The following KCNJ3 variants were observed in gnomAD, a reference collection of about 807,000 sequenced individuals.
The protein encoded by KCNJ3 is potassium inwardly rectifying channel subfamily J member 3.
A neutral mutation model predicts 39.2 loss-of-function variants in KCNJ3; 4 were observed. The ratio of observed to expected loss-of-function variants is 0.10; its 90% CI spans 0.05 to 0.23. KCNJ3 has a LOEUF of 0.23. KCNJ3 is among the 10% of genes least tolerant of loss of function. The probability of loss-of-function intolerance (pLI) is 1.00; values close to 1 mark genes in which losing one functional copy is unlikely to be tolerated. For synonymous variants in KCNJ3, 230 were observed against 237.4 expected (o/e 0.97, Z 0.29); for missense variants, 276 against 634.9 (o/e 0.43, Z 6.08).
chr2:154,825,906 A>G (rs1193990063), intron 2 of KCNJ3, among the ~76,000 whole-genome samples: 2 of 150,558 alleles, frequency 1.3e-5, no homozygotes, highest in Admixed American at 6.6e-5. Flanking sequence ...ATTAATGTTA[A>G]CCTATTACAA....
intron 2 of KCNJ3, among the ~76,000 whole-genome samples, chr2:154,792,468 T>G (rs1438802195): frequency 2.0e-5 from 3 of 152,098 alleles, no homozygotes; most frequent in Non-Finnish European, 4.4e-5. Flanking sequence ...GTCCTGTGTC[T>G]GCTGTCAAAG....
chr2:154,833,449 C>T (rs949932059), intron 2 of KCNJ3, among the ~76,000 whole-genome samples: 4 of 152,094 alleles, frequency 2.6e-5, no homozygotes, highest in African/African-American at 9.7e-5. Flanking sequence ...CATGCATGTT[C>T]CCCCCAGCCC....
intron 2 of KCNJ3, among the ~76,000 whole-genome samples, chr2:154,711,465 T>C (rs1335112150): frequency 6.6e-6 from 1 of 152,144 alleles, no homozygotes; most frequent in Admixed American, 6.5e-5. Flanking sequence ...AAATGTTTTA[T>C]TAGATCTATC....
At chr2:154,778,661 T>G (rs1452908951) in intron 2 of KCNJ3, among the ~76,000 whole-genome samples, 1 of 152,164 alleles carries the variant, frequency 6.6e-6, no homozygotes, top group Non-Finnish European at 1.5e-5. Flanking sequence ...CTGAGATAAT[T>G]TTTATTTAAT....
Position 154,792,789 on chromosome 2 carries a change from C to T in KCNJ3, c.920-61938C>T, listed in dbSNP as rs1686657721. Among the ~76,000 whole-genome samples, 5 of 152,168 alleles carry T rather than the reference C, an allele frequency of 3.3e-5. 1 individual carries two copies. The South Asian group carries it at 1.0e-3, about 31-fold the overall frequency. ...GTTTTTAAAGAAATGACTATTCTAC[C>T]TAAAAATATTTGCTTAGTTTATCAT... On this transcript the variant is annotated intron_variant, in intron 2 of 2. Transcript: ENST00000295101.
chr2:154,747,549 A>G (rs1685768785), intron 2 of KCNJ3, among the ~76,000 whole-genome samples: 1 of 151,978 alleles, frequency 6.6e-6, no homozygotes, highest in African/African-American at 2.4e-5. Flanking sequence ...GGGGTGGGGA[A>G]TAGCCTTAAT....
At chr2:154,845,240 T>C (rs1192649292) in intron 2 of KCNJ3, among the ~76,000 whole-genome samples, 2 of 152,154 alleles carry the variant, frequency 1.3e-5, no homozygotes. Context: ...TGCCTCAGCC[T>C]CCCAAGTAGC....
chr2:154,751,036 T>C (rs1055223317), intron 2 of KCNJ3, among the ~76,000 whole-genome samples: 1 of 151,886 alleles, frequency 6.6e-6, no homozygotes, highest in African/African-American at 2.4e-5. Flanking sequence ...AGACTACAAA[T>C]CAGGTTCGGT....
At chr2:154,751,590 C>G (rs1685845786) in intron 2 of KCNJ3, among the ~76,000 whole-genome samples, 1 of 152,006 alleles carries the variant, frequency 6.6e-6, no homozygotes, top group African/African-American at 2.4e-5. Context: ...TTAAAGCAGT[C>G]TCTCATAATA....
chr2:154,708,580 T>A (rs540005752), intron 1 of KCNJ3, among the ~76,000 whole-genome samples: 1 of 152,270 alleles, frequency 6.6e-6, no homozygotes, highest in East Asian at 1.9e-4. Context: ...TGTATTTAAT[T>A]CCTAACTACC....
At chr2:154,725,289 A>AT (rs1293610818) in intron 2 of KCNJ3, among the ~76,000 whole-genome samples, 7 of 136,098 alleles carry the variant, frequency 5.1e-5, no homozygotes, top group African/African-American at 1.9e-4. Context: ...ACTACTTTCT[A>AT]TTTTTTATAT....
At chr2:154,798,186 CCG>C (rs1439708382) in intron 2 of KCNJ3, among the ~76,000 whole-genome samples, 15 of 129,978 alleles carry the variant, frequency 1.2e-4, no homozygotes, top group East Asian at 2.2e-4. Context: ...CATTCGAACA[CCG>C]CACACACACA....
intron 2 of KCNJ3, among the ~76,000 whole-genome samples, chr2:154,814,446 T>G (rs1687048834): frequency 1.3e-5 from 2 of 152,062 alleles, no homozygotes; most frequent in Non-Finnish European, 2.9e-5. Flanking sequence ...GAGACCAGGC[T>G]GGCCAACATG....
chr2:154,793,875 T>C (rs1045405143), intron 2 of KCNJ3, among the ~76,000 whole-genome samples: 3 of 152,018 alleles, frequency 2.0e-5, no homozygotes, highest in African/African-American at 7.2e-5. Context: ...ATTAAATATA[T>C]GTAATTGGAT....
intron 2 of KCNJ3, among the ~76,000 whole-genome samples, chr2:154,818,665 A>G (rs563934875): frequency 3.3e-5 from 5 of 152,308 alleles, no homozygotes; most frequent in African/African-American, 9.6e-5. Context: ...CCTCACTACT[A>G]TGCTGCCATT....
At chr2:154,850,008 CTTTTTTT>C (rs373062062) in intron 2 of KCNJ3, among the ~76,000 whole-genome samples, 2,860 of 48,674 alleles carry the variant, frequency 0.059, 120 homozygotes, top group Non-Finnish European at 0.082. Flanking sequence ...CAGAATAAAT[CTTTTTTT>C]TTTTTTTTTT....
chr2:154,839,953 T>C (rs1687546613), intron 2 of KCNJ3, among the ~76,000 whole-genome samples: 2 of 152,236 alleles, frequency 1.3e-5, no homozygotes, highest in Admixed American at 1.3e-4. Context: ...AGATCCCATT[T>C]GTCAATTTTG....
intron 2 of KCNJ3, among the ~76,000 whole-genome samples, chr2:154,745,453 C>G (rs1480344252): frequency 6.6e-6 from 1 of 151,872 alleles, no homozygotes; most frequent in African/African-American, 2.4e-5. Context: ...TGGATTGACT[C>G]TTTCATCATT....
chr2:154,826,910 C>T (rs926144373), intron 2 of KCNJ3, among the ~76,000 whole-genome samples: 4 of 152,124 alleles, frequency 2.6e-5, no homozygotes, highest in African/African-American at 9.7e-5. Flanking sequence ...GAATTTTGGA[C>T]TTACTAAGTG....
Sources: gnomAD v4.1 joint callset for allele counts (sites outside exome capture counted in the v4.1 genomes callset) on GRCh38, gnomAD v4.1.1 for gene constraint, MANE v1.5 for transcripts, NCBI Gene and HGNC (gene_info 2026-07-23, HGNC 2026-07-21) for gene names.